PICK1: variants seen among roughly 807,000 people sequenced by gnomAD.
PICK1 encodes the protein protein interacting with PRKCA 1.
A neutral mutation model predicts 48.9 loss-of-function variants in PICK1; 23 were observed. That is an observed-to-expected ratio of 0.47 (90% CI 0.34 to 0.67). The LOEUF is 0.67. Ranked by LOEUF, PICK1 falls within the 30% of genes least tolerant of loss-of-function variation. The pLI is 0.01. For synonymous variants in PICK1, 217 were observed against 228.2 expected (o/e 0.95, Z 0.44); for missense variants, 423 against 557.1 (o/e 0.76, Z 2.42).
At chr22:38,068,661 C>G (rs1377111710) in intron 5 of PICK1, among the ~76,000 whole-genome samples, 1 of 152,196 alleles carries the variant, frequency 6.6e-6, no homozygotes, top group African/African-American at 2.4e-5. Context: ...GGCCCCTCTT[C>G]TCCCCCTCCC....
intron 3 of PICK1, 151 bp downstream of exon 3, chr22:38,059,496 C>T: frequency 3.0e-6 from 2 of 669,052 alleles, no homozygotes; most frequent in East Asian, 2.7e-5. Context: ...CGCTGCGTTG[C>T]TCTGCCCTGT....
At chr22:38,064,516 CTTTGGG>C (rs772296615) in intron 3 of PICK1, among the ~76,000 whole-genome samples, 8 of 152,042 alleles carry the variant, frequency 5.3e-5, no homozygotes, top group Non-Finnish European at 1.0e-4. Flanking sequence ...AATCCCAGCA[CTTTGGG>C]AGGCCAAAGC....
intron 8 of PICK1, chr22:38,071,977 C>T (rs557534208): frequency 1.0e-4 from 61 of 592,236 alleles, no homozygotes; most frequent in South Asian, 9.7e-4. Flanking sequence ...CTGCCACTGG[C>T]AGTACACAAG....
In PICK1 at chr22:38,075,009, G is replaced by C; in HGVS notation, c.1125G>C (p.Gln375His). 1 of 1,613,656 alleles carries C rather than the reference G, an allele frequency of 6.2e-7. No homozygotes were observed. Among genetic ancestry groups the C allele is most frequent in the Non-Finnish European group, 8.5e-7 (1 of 1,180,020 alleles). The change falls in exon 13 of 13, where the codon CAG becomes CAC. Residue 375 changes from glutamine to histidine, a missense_variant. Physicochemically the swap from Gln to His is conservative, Grantham distance 24. Coordinates refer to ENST00000356976, the MANE Select transcript of PICK1 (RefSeq NM_012407.4). ...AHTTLAYGLN[Q>H]EEFTDGEEEE... Reference sequence around the variant, plus strand: ...CCACATTGGCCTATGGCCTCAACCAGGAGGAGTTCACAGATGGGGAGGAGG... The same window carrying C: ...CCACATTGGCCTATGGCCTCAACCACGAGGAGTTCACAGATGGGGAGGAGG...
Position 38,066,949 on chromosome 22 carries a change from C to A in PICK1, c.283-755C>A, listed in dbSNP as rs569566260. Among the ~76,000 whole-genome samples the A allele has an allele frequency of 6.6e-6, 1 of 152,290 alleles. No homozygotes were observed. The highest frequency in any genetic ancestry group is 2.4e-5 in the African/African-American group (1 of 41,560). On this transcript the variant is annotated intron_variant, in intron 4 of 12. Transcript: ENST00000356976. This position sits in a 1 kb window ranked among gnomAD's most constrained non-coding sequence, Gnocchi z 4.1. The stretch of plus-strand genomic sequence containing the variant: ...TGCGGGGCTGGGGCTGCCCCTGCCC[C>A]TCCCCTTGGTGCCCCAGCACCAGGC...
Position 38,065,015 on chromosome 22 carries a change from C to T in PICK1, c.167C>T (p.Thr56Ile). Residue 56 changes from threonine to isoleucine, a missense_variant, in exon 4 of 13, where the codon ACC becomes ATC. Thr to Ile is a moderately conservative substitution (Grantham distance 89). Around this residue, in one of 2 missense-constraint regions of PICK1, gnomAD observed 279 missense variants for 417.8 expected, o/e 0.67. Transcript: ENST00000356976. ...ATGCACCCACAGGTATTTGACAACA[C>T]CCCAGCAGCCTTGGACGGCACAGTG... Reference protein sequence around the residue: ...CLYIVQVFDNTPAALDGTVAA... With the variant: ...CLYIVQVFDNIPAALDGTVAA... 2 of 1,614,124 alleles carry T rather than the reference C, an allele frequency of 1.2e-6. No individual in the cohort carries two copies. Among genetic ancestry groups the T allele is most frequent in the South Asian group, 1.1e-5 (1 of 91,078 alleles).
At chr22:38,070,198 C>T (rs137933174) in intron 6 of PICK1, among the ~76,000 whole-genome samples, 68 of 152,376 alleles carry the variant, frequency 4.5e-4, no homozygotes, top group Middle Eastern at 6.8e-3. Flanking sequence ...ACACAGGAGG[C>T]TGGGGAGCAG....
Position 38,067,727 on chromosome 22 carries a change from C to G in PICK1, c.306C>G (p.Asn102Lys). The change falls in exon 5 of 13, where the codon AAC (asparagine) becomes AAG (lysine). Residue 102 changes from asparagine (N) to lysine (K), a missense_variant. This residue lies in a region of PICK1 where 279 missense variants were observed against 417.8 expected (regional missense o/e 0.67). Transcript: ENST00000356976. ...EVKGEVTIHY[N>K]KLQADPKQGM... The stretch of plus-strand genomic sequence containing the variant: ...AGGGGGAGGTGACCATCCACTACAA[C>G]AAGCTGCAGGCGGACCCCAAGCAGG... The G allele has an allele frequency of 1.9e-6, 3 of 1,614,020 alleles. No individual in the cohort carries two copies. Among genetic ancestry groups the G allele is most frequent in the Non-Finnish European group, 2.5e-6 (3 of 1,179,890 alleles).
Position 38,075,139 on chromosome 22 carries a change from C to G in PICK1, c.*7C>G, listed in dbSNP as rs751387693. On this transcript the variant is annotated 3_prime_UTR_variant, in exon 13 of 13. Transcript: ENST00000356976. ...AAGCTGGTGTGACTCCTGAGTGCCC[C>G]GCGGCTGTGGTGCCGGGGGCAGGGT... 9.7e-5 allele frequency: 156 copies of G among 1,606,214 alleles called. No homozygotes were observed. The highest frequency in any genetic ancestry group is 1.3e-4 in the Non-Finnish European group (148 of 1,176,302).
chr22:38,068,333 C>G (rs2085583319), intron 5 of PICK1, among the ~76,000 whole-genome samples: 1 of 152,212 alleles, frequency 6.6e-6, no homozygotes, highest in African/African-American at 2.4e-5. Context: ...TGGACAGCAG[C>G]TTCGAGTCCT....
In PICK1 at chr22:38,059,190, A is replaced by G. The variant is rs768116889; in HGVS notation, c.42-44A>G. ...TTTAGAGGGCCCACCCGCTCCAGTC[A>G]TCCTTCTGCCAGGAGAGTCAGCCTA... On this transcript the variant is annotated intron_variant, in intron 2 of 12. Coordinates refer to ENST00000356976, the MANE Select transcript of PICK1 (RefSeq NM_012407.4). The G allele has an allele frequency of 6.2e-6, 9 of 1,444,308 alleles. No individual in the cohort carries two copies. The Admixed American group carries it at 1.6e-4, about 25-fold the overall frequency. The allele number at this position is 1,444,308 out of a possible 1,614,324, so 89.5% of individuals were successfully genotyped here.
At chr22:38,057,624 G>C in intron 1 of PICK1, 37 bp downstream of exon 1, 4 of 552,074 alleles carry the variant, frequency 7.2e-6, no homozygotes, top group Non-Finnish European at 1.3e-5. Context: ...CCCGGAGACT[G>C]TCCCATCCCA....
In PICK1 at chr22:38,057,552, C is replaced by G. The variant is rs932524711; in HGVS notation, c.-93C>G. On this transcript the variant is annotated 5_prime_UTR_variant, in exon 1 of 13. Transcript: ENST00000356976. Reference sequence around the variant, plus strand: ...CGTGGGGCGGACTCTGGGATCTGAGCCTATCGCCCTGGCCTGGAGCCCCCC... The same window carrying G: ...CGTGGGGCGGACTCTGGGATCTGAGGCTATCGCCCTGGCCTGGAGCCCCCC... The G allele has an allele frequency of 3.7e-6, 2 of 547,164 alleles. No individual in the cohort carries two copies. Among genetic ancestry groups the G allele is most frequent in the Non-Finnish European group, 6.6e-6 (2 of 303,882 alleles). The allele number at this position is 547,164 out of a possible 1,614,324, so 33.9% of individuals were successfully genotyped here.
Position 38,069,137 on chromosome 22 carries a change from A to C in PICK1, c.439+15A>C. 1 of 1,588,656 alleles carries C rather than the reference A, an allele frequency of 6.3e-7. No individual in the cohort carries two copies. The highest frequency in any genetic ancestry group is 1.1e-5 in the South Asian group (1 of 87,904). On this transcript the variant is annotated intron_variant, in intron 6 of 12. Transcript: ENST00000356976. ...CCTGTGCAATGGTGAGTCCCTTCCCACCCAGCTGGGGCCCCGGGGACTCAA... is the reference window on the plus strand; with the variant it reads ...CCTGTGCAATGGTGAGTCCCTTCCCCCCCAGCTGGGGCCCCGGGGACTCAA...
In PICK1 at chr22:38,074,548, T is replaced by G; in HGVS notation, c.979+97T>G. ...TCAGGGCCAGGCCACGGCCCAGATGTAAAGCCCCTCCAGGAGCCCAGCCAT... is the reference window on the plus strand; with the variant it reads ...TCAGGGCCAGGCCACGGCCCAGATGGAAAGCCCCTCCAGGAGCCCAGCCAT... On this transcript the variant is annotated intron_variant, in intron 12 of 12. Transcript: ENST00000356976. This position sits in a 1 kb window ranked among gnomAD's most constrained non-coding sequence, Gnocchi z 4.5. The G allele has an allele frequency of 6.7e-7, 1 of 1,502,398 alleles. No individual in the cohort carries two copies. The allele number at this position is 1,502,398 out of a possible 1,614,324, so 93.1% of individuals were successfully genotyped here.
chr22:38,057,499 A>C lies in PICK1; in HGVS notation c.-146A>C, dbSNP rs1270653527. On this transcript the variant is annotated 5_prime_UTR_variant, in exon 1 of 13. Coordinates refer to ENST00000356976, the MANE Select transcript of PICK1 (RefSeq NM_012407.4). ...GGGACCAACGCTTCCGGTGAGCGAC[A>C]GAGGCAGCTCCCCAGGGCCTGGAGA... 1 of 409,468 alleles carries C rather than the reference A, an allele frequency of 2.4e-6. No homozygotes were observed. 25.4% of individuals were successfully genotyped at this position (409,468 alleles called of 1,614,324 possible).
At chr22:38,071,539 G>A (rs2085692937) in intron 7 of PICK1, 143 bp from the exon 8 acceptor site, 1 of 792,510 alleles carries the variant, frequency 1.3e-6, no homozygotes, top group South Asian at 1.4e-5. Flanking sequence ...TTTACCCCTG[G>A]GCTGTGGTTG....
At position 38,074,767 on chromosome 22, in the gene PICK1, G is replaced by C; in HGVS notation, c.980-97G>C. 5 of 1,495,722 alleles carry C rather than the reference G, an allele frequency of 3.3e-6. No individual in the cohort carries two copies. The South Asian group carries it at 5.9e-5, about 18-fold the overall frequency. The allele number at this position is 1,495,722 out of a possible 1,614,324, so 92.7% of individuals were successfully genotyped here. A position where few individuals can be genotyped will look rare whatever the true frequency, so the allele number is the denominator to read the frequency against. On this transcript the variant is annotated intron_variant, in intron 12 of 12. Coordinates refer to ENST00000356976, the MANE Select transcript of PICK1 (RefSeq NM_012407.4). The surrounding 1 kb of genome is among the most constrained non-coding windows in gnomAD (Gnocchi z 4.5). Reference sequence around the variant, plus strand: ...GGAAGTGCCCGAGTGGGAAGCCCAGGGGAGGCGAGAGGTGGGCCGGGTGGG... The same window carrying C: ...GGAAGTGCCCGAGTGGGAAGCCCAGCGGAGGCGAGAGGTGGGCCGGGTGGG...
At chr22:38,070,533 G>T (rs2085652589) in intron 6 of PICK1, among the ~76,000 whole-genome samples, 2 of 152,214 alleles carry the variant, frequency 1.3e-5, no homozygotes, top group Admixed American at 6.5e-5. Context: ...AGGCCTGGCT[G>T]CTCCATCTCC....
Sources: gnomAD v4.1 joint callset for allele counts (sites outside exome capture counted in the v4.1 genomes callset) on GRCh38, gnomAD v4.1.1 for gene constraint, gnomAD v4.1.1 regional missense constraint, Gnocchi (gnomAD v3.1) non-coding constraint, MANE v1.5 for transcripts, NCBI Gene and HGNC (gene_info 2026-07-23, HGNC 2026-07-21) for gene names.